Variants in CEP15 observed in about 807,000 individuals in gnomAD.
The protein encoded by CEP15 is centrosomal protein 15 kDa.
chr3:62,321,686 G>A, the CEP15 span, among the ~76,000 whole-genome samples: 1 of 152,036 alleles, frequency 6.6e-6, no homozygotes, highest in African/African-American at 2.4e-5. This position sits in a 1 kb window ranked among gnomAD's most constrained non-coding sequence, Gnocchi z 4.1. Flanking sequence ...ACAGAAGCAT[G>A]TACTTATGGC....
chr3:62,320,514 C>T, the CEP15 span: 2 of 1,610,966 alleles, frequency 1.2e-6, no homozygotes, highest in Admixed American at 3.3e-5. Flanking sequence ...TTCTAAAAGA[C>T]ATGAAGAAAT....
At chr3:62,325,976 A>T in the CEP15 span, among the ~76,000 whole-genome samples, 1 of 148,124 alleles carries the variant, frequency 6.8e-6, no homozygotes, top group East Asian at 2.1e-4. Context: ...AGTGAGCGAG[A>T]TTGTGCCACT....
the CEP15 span, among the ~76,000 whole-genome samples, chr3:62,329,493 A>C: frequency 6.6e-6 from 1 of 152,228 alleles, no homozygotes; most frequent in Admixed American, 6.5e-5. Context: ...AAAATTAGCG[A>C]GCTAAAGAGG....
At chr3:62,334,619 C>T in the CEP15 span, 1 of 151,796 alleles carries the variant, frequency 6.6e-6, no homozygotes, top group Non-Finnish European at 1.5e-5. This position sits in a 1 kb window ranked among gnomAD's most constrained non-coding sequence, Gnocchi z 4.9. Context: ...TATAGTGTCA[C>T]AATACAAAAT....
the CEP15 span, among the ~76,000 whole-genome samples, chr3:62,320,084 T>A: frequency 6.6e-6 from 1 of 152,246 alleles, no homozygotes; most frequent in East Asian, 1.9e-4. Context: ...TATGTGTGTT[T>A]GCACATGCAT....
the CEP15 span, among the ~76,000 whole-genome samples, chr3:62,328,818 A>C: frequency 6.6e-6 from 1 of 151,922 alleles, no homozygotes; most frequent in Non-Finnish European, 1.5e-5. Context: ...ACCTTCTGGT[A>C]GTATATAATC....
At chr3:62,326,968 A>G in the CEP15 span, among the ~76,000 whole-genome samples, 4 of 152,344 alleles carry the variant, frequency 2.6e-5, no homozygotes, top group South Asian at 8.3e-4. Context: ...CAGAGTTCAC[A>G]TTTCTCTGAT....
At chr3:62,334,748 C>T in the CEP15 span, 9 of 152,084 alleles carry the variant, frequency 5.9e-5, no homozygotes, top group Admixed American at 2.0e-4. This position sits in a 1 kb window ranked among gnomAD's most constrained non-coding sequence, Gnocchi z 4.9. Context: ...GCAACCAGAA[C>T]AATTTTATAC....
At chr3:62,331,290 T>C in the CEP15 span, 1 of 1,592,450 alleles carries the variant, frequency 6.3e-7, no homozygotes, top group East Asian at 2.2e-5. Context: ...TTTATGTAAA[T>C]CCACTTTAAT....
chr3:62,320,556 A>G, the CEP15 span: 1 of 1,548,626 alleles, frequency 6.5e-7, no homozygotes, highest in Non-Finnish European at 8.9e-7. Context: ...ATTCAGATAT[A>G]GAAATTGGAC....
chr3:62,322,595 A>G, the CEP15 span: 2 of 152,410 alleles, frequency 1.3e-5, no homozygotes, highest in East Asian at 1.9e-4. The surrounding 1 kb of genome is among the most constrained non-coding windows in gnomAD (Gnocchi z 5.5). Context: ...CATTTGGCCA[A>G]TGTGCCCATT....
chr3:62,326,519 G>T, the CEP15 span, among the ~76,000 whole-genome samples: 1 of 152,170 alleles, frequency 6.6e-6, no homozygotes, highest in African/African-American at 2.4e-5. Flanking sequence ...ATCTCAGCAT[G>T]TGACTTTCTG....
At chr3:62,323,183 G>T in the CEP15 span, among the ~76,000 whole-genome samples, 2 of 152,196 alleles carry the variant, frequency 1.3e-5, no homozygotes, top group Non-Finnish European at 2.9e-5. Flanking sequence ...TGGGCAGAAA[G>T]TAGGGACAAC....
the CEP15 span, among the ~76,000 whole-genome samples, chr3:62,326,828 A>G: frequency 2.0e-5 from 3 of 152,192 alleles, no homozygotes; most frequent in African/African-American, 4.8e-5. Flanking sequence ...TGTTTCACCT[A>G]TAGCTATTTC....
the CEP15 span, among the ~76,000 whole-genome samples, chr3:62,321,771 G>T: frequency 6.6e-6 from 1 of 152,150 alleles, no homozygotes; most frequent in African/African-American, 2.4e-5. The surrounding 1 kb of genome is among the most constrained non-coding windows in gnomAD (Gnocchi z 4.1). Context: ...AACTACCTCA[G>T]ATTTTTCACT....
At chr3:62,329,087 G>A in the CEP15 span, among the ~76,000 whole-genome samples, 16 of 152,210 alleles carry the variant, frequency 1.1e-4, no homozygotes, top group East Asian at 2.7e-3. Context: ...CATAGAGTAA[G>A]TACTCCTCAA....
the CEP15 span, chr3:62,334,455 T>C: frequency 6.6e-6 from 1 of 152,080 alleles, no homozygotes; most frequent in African/African-American, 2.4e-5. This position sits in a 1 kb window ranked among gnomAD's most constrained non-coding sequence, Gnocchi z 4.9. Flanking sequence ...TAAACTACCA[T>C]CTTGGAAATA....
chr3:62,323,378 G>C, the CEP15 span, among the ~76,000 whole-genome samples: 1 of 152,154 alleles, frequency 6.6e-6, no homozygotes, highest in Non-Finnish European at 1.5e-5. Flanking sequence ...TAGGCAGAAG[G>C]CAAGGCATAC....
chr3:62,329,113 A>G, the CEP15 span, among the ~76,000 whole-genome samples: 3 of 152,178 alleles, frequency 2.0e-5, no homozygotes, highest in Non-Finnish European at 2.9e-5. Context: ...TGTTGAATGA[A>G]TAAGTGTAAT....
Sources: allele counts gnomAD v4.1 joint callset (sites outside exome capture counted in the v4.1 genomes callset), GRCh38; gene constraint gnomAD v4.1.1; non-coding constraint Gnocchi (gnomAD v3.1); transcripts MANE v1.5; gene names NCBI Gene and HGNC (gene_info 2026-07-23, HGNC 2026-07-21).